The following SCRG1 variants were observed in gnomAD, a reference collection of about 807,000 sequenced individuals.
SCRG1 encodes the protein stimulator of chondrogenesis 1.
Under a neutral mutation model 7.7 loss-of-function variants are expected in SCRG1, and 3 were observed. The ratio of observed to expected loss-of-function variants is 0.39; its 90% CI spans 0.18 to 1.01. SCRG1 has a LOEUF of 1.01. SCRG1 is among the 50% of genes least tolerant of loss of function. The pLI is 0.36. For missense variants in SCRG1, 110 were observed against 117.2 expected, an observed-to-expected ratio of 0.94 and a Z score of 0.28; for synonymous variants, 46 against 41.2, an observed-to-expected ratio of 1.12 and a Z score of -0.44.
At chr4:173,422,206 A>C in the SCRG1 span, among the ~76,000 whole-genome samples, 2 of 152,250 alleles carry the variant, frequency 1.3e-5, no homozygotes, top group Admixed American at 6.5e-5. Context: ...TGGCAAATCA[A>C]AAACATTATC....
At chr4:173,416,911 AACACACACACACACACACAC>A in the SCRG1 span, among the ~76,000 whole-genome samples, 405 of 125,236 alleles carry the variant, frequency 3.2e-3, 7 homozygotes, top group African/African-American at 0.012. Flanking sequence ...CACACACCCA[AACACACACACACACACACAC>A]ACACACACAC....
In SCRG1 at chr4:173,386,293, C is replaced by G. The variant is rs1424131055; in HGVS notation, c.*2048G>C. The G allele has an allele frequency of 2.9e-5, 4 of 139,812 alleles. No individual in the cohort carries two copies. The highest frequency in any genetic ancestry group is 1.1e-4 in the African/African-American group (4 of 37,840). 8.7% of individuals were successfully genotyped at this position (139,812 alleles called of 1,614,324 possible). On this transcript the variant is annotated 3_prime_UTR_variant, in exon 3 of 3. Coordinates refer to ENST00000296506, the MANE Select transcript of SCRG1 (RefSeq NM_007281.4). ...GGGACTAGAGGCGCCTGCCACCACG[C>G]CCAGCTAATTTTTTTTTTTTTTTTT...
the SCRG1 span, among the ~76,000 whole-genome samples, chr4:173,442,021 A>G: frequency 6.6e-6 from 1 of 152,242 alleles, no homozygotes; most frequent in African/African-American, 2.4e-5. Flanking sequence ...CTTTTGGCTC[A>G]CAATAATTAC....
At chr4:173,421,026 C>T in the SCRG1 span, among the ~76,000 whole-genome samples, 1 of 152,148 alleles carries the variant, frequency 6.6e-6, no homozygotes, top group Non-Finnish European at 1.5e-5. Flanking sequence ...AAATCATAAG[C>T]CATGATTCTG....
the SCRG1 span, among the ~76,000 whole-genome samples, chr4:173,506,867 C>T: frequency 6.6e-6 from 1 of 152,178 alleles, no homozygotes; most frequent in Non-Finnish European, 1.5e-5. The surrounding 1 kb of genome is among the most constrained non-coding windows in gnomAD (Gnocchi z 5.3). Context: ...GGTCTGGGAG[C>T]GAGTGGTTCG....
chr4:173,444,802 A>G, the SCRG1 span, among the ~76,000 whole-genome samples: 4 of 152,140 alleles, frequency 2.6e-5, no homozygotes, highest in Non-Finnish European at 5.9e-5. Flanking sequence ...CACCTACCTG[A>G]GGCAGACAAC....
chr4:173,518,390 A>T, the SCRG1 span, among the ~76,000 whole-genome samples: 3 of 152,148 alleles, frequency 2.0e-5, no homozygotes, highest in Admixed American at 1.3e-4. Context: ...AAAGTTACTT[A>T]TTTTTTTAAA....
At chr4:173,481,126 CAA>C in the SCRG1 span, among the ~76,000 whole-genome samples, 1 of 152,082 alleles carries the variant, frequency 6.6e-6, no homozygotes, top group Non-Finnish European at 1.5e-5. Context: ...GTGCAGCCCT[CAA>C]GTGTCAACAA....
chr4:173,483,019 T>C, the SCRG1 span, among the ~76,000 whole-genome samples: 1 of 129,158 alleles, frequency 7.7e-6, no homozygotes, highest in African/African-American at 3.0e-5. Context: ...TATTATATAA[T>C]TTATATGTAA....
chr4:173,405,766 G>GGTTTT (rs1739887330), intron 1 of SCRG1, among the ~76,000 whole-genome samples: 1 of 152,040 alleles, frequency 6.6e-6, no homozygotes, highest in African/African-American at 2.4e-5. Context: ...CGTGGTTTTT[G>GGTTTT]GTTTTGTTTT....
intron 1 of SCRG1, chr4:173,406,171 G>A (rs767682712): frequency 6.6e-6 from 1 of 152,254 alleles, no homozygotes; most frequent in East Asian, 1.9e-4. Context: ...TGCTCCAGCA[G>A]TGGGAACCTA....
At chr4:173,427,397 A>G in the SCRG1 span, among the ~76,000 whole-genome samples, 4 of 152,360 alleles carry the variant, frequency 2.6e-5, no homozygotes, top group African/African-American at 9.6e-5. Context: ...TAAAGGAAAA[A>G]CTGAAGAAAA....
chr4:173,424,911 A>AATAAAATAAAATAAAATAAG, the SCRG1 span, among the ~76,000 whole-genome samples: 12 of 151,686 alleles, frequency 7.9e-5, no homozygotes, highest in South Asian at 2.5e-3. Flanking sequence ...AATAAAATAA[A>AATAAAATAAAATAAAATAAG]ATAAAATAAA....
chr4:173,444,303 T>C, the SCRG1 span, among the ~76,000 whole-genome samples: 11 of 152,118 alleles, frequency 7.2e-5, no homozygotes, highest in African/African-American at 2.7e-4. Flanking sequence ...AACCACTCTA[T>C]CTTGTAGTAG....
At chr4:173,394,730 T>C (rs1322190400) in intron 1 of SCRG1, among the ~76,000 whole-genome samples, 2 of 152,256 alleles carry the variant, frequency 1.3e-5, no homozygotes, top group East Asian at 1.9e-4. Flanking sequence ...CTTTTAATTC[T>C]CTCTCACCAC....
At chr4:173,475,083 T>A in the SCRG1 span, among the ~76,000 whole-genome samples, 1 of 152,152 alleles carries the variant, frequency 6.6e-6, no homozygotes, top group Admixed American at 6.5e-5. Flanking sequence ...TCATGTCTCA[T>A]CCATTCAATT....
chr4:173,409,303 G>A (rs544601209), upstream of SCRG1, among the ~76,000 whole-genome samples: 13 of 152,220 alleles, frequency 8.5e-5, no homozygotes, highest in African/African-American at 3.1e-4. Context: ...TTATAACAGG[G>A]GAAATCTTCC....
chr4:173,445,183 A>G, the SCRG1 span, among the ~76,000 whole-genome samples: 5 of 152,210 alleles, frequency 3.3e-5, no homozygotes, highest in Non-Finnish European at 7.3e-5. Flanking sequence ...AGAGCAATAT[A>G]ATTAGCTACT....
the SCRG1 span, among the ~76,000 whole-genome samples, chr4:173,494,377 C>T: frequency 5.3e-5 from 8 of 152,158 alleles, no homozygotes; most frequent in Admixed American, 5.2e-4. Flanking sequence ...CAGGACATTC[C>T]GTTTTCCTTT....
Sources: gnomAD v4.1 joint callset for allele counts (sites outside exome capture counted in the v4.1 genomes callset) on GRCh38, gnomAD v4.1.1 for gene constraint, Gnocchi (gnomAD v3.1) non-coding constraint, MANE v1.5 for transcripts, NCBI Gene and HGNC (gene_info 2026-07-23, HGNC 2026-07-21) for gene names.